The following CBFA2T2 variants were observed in gnomAD, a reference collection of about 807,000 sequenced individuals.
CBFA2T2 encodes protein CBFA2T2.
A neutral mutation model predicts 62.2 loss-of-function variants in CBFA2T2; 11 were observed. The ratio of observed to expected loss-of-function variants is 0.18; its 90% CI spans 0.11 to 0.29. CBFA2T2 has a LOEUF of 0.29. Ranked by LOEUF, CBFA2T2 falls within the 10% of genes least tolerant of loss-of-function variation. The pLI is 1.00. For synonymous variants in CBFA2T2, 295 were observed against 287.5 expected, an observed-to-expected ratio of 1.03 and a Z score of -0.27; for missense variants, 592 against 774.1, an observed-to-expected ratio of 0.76 and a Z score of 2.79.
chr20:33,510,169 C>T (rs554701027), intron 1 of CBFA2T2, among the ~76,000 whole-genome samples: 1 of 151,782 alleles, frequency 6.6e-6, no homozygotes, highest in South Asian at 2.1e-4. Flanking sequence ...TTTATGGCTG[C>T]ATAGTATTCC....
At chr20:33,573,956 A>ATTTTTTT in intron 1 of CBFA2T2, 1 of 330,838 alleles carries the variant, frequency 3.0e-6, no homozygotes, top group Non-Finnish European at 5.3e-6. Context: ...AATTTTTCTT[A>ATTTTTTT]TTTTTTTTTT....
At chr20:33,595,994 A>G (rs1212454123) in intron 1 of CBFA2T2, among the ~76,000 whole-genome samples, 1 of 152,226 alleles carries the variant, frequency 6.6e-6, no homozygotes, top group Admixed American at 6.5e-5. Flanking sequence ...TCACAGTTTC[A>G]TGCCCAGTTT....
chr20:33,582,157 G>A (rs1273090374), intron 1 of CBFA2T2, among the ~76,000 whole-genome samples: 1 of 152,192 alleles, frequency 6.6e-6, no homozygotes, highest in Non-Finnish European at 1.5e-5. Flanking sequence ...CAAACACTTA[G>A]TACAGTGCTT....
chr20:33,624,030 C>T (rs1343887686), intron 5 of CBFA2T2: 16 of 537,362 alleles, frequency 3.0e-5, no homozygotes, highest in East Asian at 5.9e-5. Flanking sequence ...TTATGTCAAA[C>T]GCATTTTTTT....
intron 1 of CBFA2T2, among the ~76,000 whole-genome samples, chr20:33,532,798 AGTATATTTT>A (rs577303663): frequency 8.5e-4 from 130 of 152,308 alleles, no homozygotes; most frequent in Middle Eastern, 3.4e-3. Flanking sequence ...TCCACAAAAT[AGTATATTTT>A]GTATATGGCA....
At chr20:33,506,211 C>T (rs1162059146) in intron 1 of CBFA2T2, among the ~76,000 whole-genome samples, 1 of 151,946 alleles carries the variant, frequency 6.6e-6, no homozygotes, top group Non-Finnish European at 1.5e-5. Flanking sequence ...AGTTTGAGAC[C>T]ACACTGGGCC....
At position 33,642,114 on chromosome 20, in the gene CBFA2T2, T is replaced by TGTGTGTGTGTG. The variant is rs1555851369; in HGVS notation, c.1488+1583_1488+1584insGTGTGTGTGTG. 9.5e-5 allele frequency among the ~76,000 whole-genome samples: 6 copies of TGTGTGTGTGTG among 62,866 alleles called. No individual in the cohort carries two copies. The South Asian group carries it at 1.2e-3, about 13-fold the overall frequency. The allele number at this position is 62,866 out of a possible 152,430, so 41.2% of individuals were successfully genotyped here. A position where few individuals can be genotyped will look rare whatever the true frequency, so the allele number is the denominator to read the frequency against. ...TCTCCTCCTCCTTTGTCTTTTTTTT[T>TGTGTGTGTGTG]TTTGTGTGTGTGTGTGTGTGTGTGT... On this transcript the variant is annotated intron_variant, in intron 10 of 10. Coordinates refer to ENST00000342704, the MANE Select transcript of CBFA2T2 (RefSeq NM_001032999.3).
intron 1 of CBFA2T2, chr20:33,562,796 G>C (rs1473616363): frequency 2.1e-6 from 1 of 478,466 alleles, no homozygotes; most frequent in East Asian, 1.5e-4. Context: ...CAAGAGTTCA[G>C]CCTTTCTACT....
At chr20:33,516,733 G>T (rs995036194) in intron 1 of CBFA2T2, among the ~76,000 whole-genome samples, 2 of 152,166 alleles carry the variant, frequency 1.3e-5, no homozygotes, top group East Asian at 3.9e-4. Flanking sequence ...CAGGCTTTTT[G>T]GTATACCTTT....
intron 1 of CBFA2T2, among the ~76,000 whole-genome samples, chr20:33,554,255 C>CTTTTTTTTTTTTTTTTTT (rs760696196): frequency 7.6e-6 from 1 of 131,980 alleles, no homozygotes; most frequent in African/African-American, 2.7e-5. Context: ...TTACTTTTTT[C>CTTTTTTTTTTTTTTTTTT]TTTTTTTTTT....
intron 1 of CBFA2T2, among the ~76,000 whole-genome samples, chr20:33,511,403 C>T (rs1005385360): frequency 6.6e-6 from 1 of 152,144 alleles, no homozygotes; most frequent in Non-Finnish European, 1.5e-5. Flanking sequence ...ATCCTTTCCG[C>T]ATTTCTTGTT....
chr20:33,531,131 G>T (rs1229662597), intron 1 of CBFA2T2, among the ~76,000 whole-genome samples: 1 of 152,148 alleles, frequency 6.6e-6, no homozygotes, highest in Non-Finnish European at 1.5e-5. Context: ...GCAGTAGGAG[G>T]GACGAATTGA....
chr20:33,574,070 A>G, intron 1 of CBFA2T2: 1 of 1,467,074 alleles, frequency 6.8e-7, no homozygotes, highest in East Asian at 2.7e-5. Context: ...ATTACAGGCA[A>G]GAGCCACCAT....
chr20:33,571,421 A>G (rs145205470), intron 1 of CBFA2T2, among the ~76,000 whole-genome samples: 2 of 152,346 alleles, frequency 1.3e-5, no homozygotes, highest in Non-Finnish European at 2.9e-5. Flanking sequence ...GATTACTTTT[A>G]AAATTTTAAT....
At chr20:33,575,224 C>T (rs1022786934) in intron 1 of CBFA2T2, among the ~76,000 whole-genome samples, 2 of 152,202 alleles carry the variant, frequency 1.3e-5, no homozygotes, top group Non-Finnish European at 2.9e-5. Flanking sequence ...ATTTTCTAGT[C>T]AACAGTAGGT....
intron 1 of CBFA2T2, among the ~76,000 whole-genome samples, chr20:33,525,873 C>CA (rs1302917205): frequency 6.6e-6 from 1 of 152,116 alleles, no homozygotes; most frequent in African/African-American, 2.4e-5. Flanking sequence ...AGGCTGGACT[C>CA]AAACTCCTGA....
At chr20:33,597,726 C>T (rs932920567) in intron 1 of CBFA2T2, among the ~76,000 whole-genome samples, 6 of 152,314 alleles carry the variant, frequency 3.9e-5, no homozygotes, top group Admixed American at 3.3e-4. Context: ...TCACTGCAAC[C>T]TCCTTTTGTA....
intron 1 of CBFA2T2, among the ~76,000 whole-genome samples, chr20:33,493,165 T>TGA (rs1209058701): frequency 1.6e-4 from 22 of 139,116 alleles, no homozygotes; most frequent in Non-Finnish European, 2.6e-4. Context: ...AACCTCCGCC[T>TGA]CCTGGGTTCA....
chr20:33,502,195 G>A (rs2011297373), intron 1 of CBFA2T2, among the ~76,000 whole-genome samples: 1 of 152,022 alleles, frequency 6.6e-6, no homozygotes, highest in Non-Finnish European at 1.5e-5. Flanking sequence ...TCTTATCTTT[G>A]TGTATATATA....
Sources: allele counts gnomAD v4.1 joint callset (sites outside exome capture counted in the v4.1 genomes callset), GRCh38; gene constraint gnomAD v4.1.1; transcripts MANE v1.5; gene names NCBI Gene and HGNC (gene_info 2026-07-23, HGNC 2026-07-21).